Variants in CCDC60 observed in about 807,000 individuals in gnomAD.
CCDC60 encodes the protein coiled-coil domain-containing protein 60.
CCDC60 carries 54 observed loss-of-function variants against 63.5 expected under a neutral mutation model. The observed-to-expected ratio is 0.85, with a 90% CI of 0.68 to 1.07. CCDC60 has a LOEUF of 1.07. Among genes scored for constraint, CCDC60 ranks in the 50% least tolerant of loss-of-function variants. The pLI is 0.00. For missense variants in CCDC60, 651 were observed against 684.3 expected (o/e 0.95, Z 0.54); for synonymous variants, 206 against 238.8 (o/e 0.86, Z 1.27).
At chr12:119,373,473 C>A (rs1473134475) in intron 1 of CCDC60, among the ~76,000 whole-genome samples, 1 of 152,136 alleles carries the variant, frequency 6.6e-6, no homozygotes, top group African/African-American at 2.4e-5. Context: ...GAGGCACTGT[C>A]AATAGAAGCT....
At chr12:119,467,196 C>T (rs1438376242) in intron 2 of CCDC60, among the ~76,000 whole-genome samples, 1 of 152,218 alleles carries the variant, frequency 6.6e-6, no homozygotes, top group African/African-American at 2.4e-5. Flanking sequence ...AAGCTGTTTT[C>T]TTCTACCACC....
chr12:119,402,895 A>G (rs11064776), intron 1 of CCDC60, among the ~76,000 whole-genome samples: 11,578 of 152,296 alleles, frequency 0.076, 563 homozygotes, highest in Middle Eastern at 0.16. Flanking sequence ...AGATCCTGCT[A>G]GTTGCAAATG....
rs538552045 is a variant in CCDC60, at chr12:119,516,710, A to G, written c.968+3A>G. On this transcript the variant is annotated splice_donor_region_variant and intron_variant, in intron 8 of 13. Transcript: ENST00000327554. ...GGGATGCAAAGAAAAGCACCCAGGT[A>G]TGTGCTCTTGACTCCTGGGGCAAAT... 1.9e-6 allele frequency: 3 copies of G among 1,603,054 alleles called. No homozygotes were observed. The highest frequency in any genetic ancestry group is 2.2e-5 in the South Asian group (2 of 90,822).
rs372727074 is a variant in CCDC60 at position 119,490,509 on chromosome 12, G to A, written c.557+1643G>A. Reference sequence around the variant, plus strand: ...CTAGTTATTTCCAAAATGTCTTTGTGGCTTCCAGAATTTCCTTGAAAACCA... The same window carrying A: ...CTAGTTATTTCCAAAATGTCTTTGTAGCTTCCAGAATTTCCTTGAAAACCA... On this transcript the variant is annotated intron_variant, in intron 5 of 13. Transcript: ENST00000327554. Among the ~76,000 whole-genome samples, 381 of 152,060 alleles carry A rather than the reference G, an allele frequency of 2.5e-3. 2 individuals carry two copies. The highest frequency in any genetic ancestry group is 7.3e-3 in the South Asian group (35 of 4,800).
chr12:119,424,017 G>C (rs1956859070), intron 1 of CCDC60, among the ~76,000 whole-genome samples: 1 of 152,032 alleles, frequency 6.6e-6, no homozygotes, highest in South Asian at 2.1e-4. Context: ...GTGAATTGTA[G>C]AAAAATTAGG....
chr12:119,373,868 A>G (rs1162576984), intron 1 of CCDC60, among the ~76,000 whole-genome samples: 5 of 152,216 alleles, frequency 3.3e-5, no homozygotes. Flanking sequence ...TGTTATCTAG[A>G]CAGGCTTTAA....
intron 6 of CCDC60, among the ~76,000 whole-genome samples, chr12:119,504,404 A>G (rs1206169935): frequency 6.6e-6 from 1 of 152,004 alleles, no homozygotes; most frequent in Non-Finnish European, 1.5e-5. Flanking sequence ...GACTTTCCCT[A>G]CCTACCTCTC....
intron 1 of CCDC60, among the ~76,000 whole-genome samples, chr12:119,353,805 G>A (rs1955687445): frequency 6.6e-6 from 1 of 152,000 alleles, no homozygotes; most frequent in South Asian, 2.1e-4. Flanking sequence ...GGGCGCAGTG[G>A]CTTACGCCTG....
intron 13 of CCDC60, among the ~76,000 whole-genome samples, chr12:119,534,335 TAAATATACAATC>T (rs2136545572): frequency 6.6e-6 from 1 of 152,324 alleles, no homozygotes; most frequent in South Asian, 2.1e-4. Context: ...TGGGGTTTTC[TAAATATACAATC>T]ATGTCATCTG....
intron 4 of CCDC60, among the ~76,000 whole-genome samples, chr12:119,485,515 G>C (rs528892443): frequency 1.3e-5 from 2 of 152,212 alleles, no homozygotes; most frequent in Non-Finnish European, 2.9e-5. Context: ...TGCTGTCAGC[G>C]TTGGTTTCTC....
intron 2 of CCDC60, among the ~76,000 whole-genome samples, chr12:119,450,359 T>C (rs1950608145): frequency 6.6e-6 from 1 of 152,136 alleles, no homozygotes; most frequent in African/African-American, 2.4e-5. Flanking sequence ...CATTGATATA[T>C]ATGCAATACA....
intron 1 of CCDC60, among the ~76,000 whole-genome samples, chr12:119,426,339 T>G (rs531473067): frequency 1.2e-4 from 10 of 82,724 alleles, no homozygotes; most frequent in African/African-American, 5.3e-4. Context: ...CTTTTTTCTT[T>G]TATTTTTATT....
chr12:119,370,944 A>G (rs892809349), intron 1 of CCDC60, among the ~76,000 whole-genome samples: 1 of 152,162 alleles, frequency 6.6e-6, no homozygotes, highest in African/African-American at 2.4e-5. Flanking sequence ...AGGTGAGAGG[A>G]TCCTTTGAGC....
intron 1 of CCDC60, among the ~76,000 whole-genome samples, chr12:119,412,409 T>A (rs12296267): frequency 2.0e-5 from 3 of 152,164 alleles, no homozygotes; most frequent in Non-Finnish European, 4.4e-5. Context: ...TGGAAGCCAC[T>A]TGGGGGCTTA....
chr12:119,469,413 A>C (rs1951013581), intron 2 of CCDC60, among the ~76,000 whole-genome samples: 1 of 152,004 alleles, frequency 6.6e-6, no homozygotes, highest in South Asian at 2.1e-4. Flanking sequence ...GGCACCCGCC[A>C]CCACCCTGGC....
chr12:119,488,459 AC>A (rs1419304926), intron 4 of CCDC60, among the ~76,000 whole-genome samples: 5 of 152,126 alleles, frequency 3.3e-5, no homozygotes. Context: ...ATTCTCAGTA[AC>A]TGGCATTGGA....
At chr12:119,354,963 T>A (rs1955701385) in intron 1 of CCDC60, among the ~76,000 whole-genome samples, 1 of 152,164 alleles carries the variant, frequency 6.6e-6, no homozygotes. Flanking sequence ...TTGCAGGGCA[T>A]CTAACCAGCT....
Position 119,428,782 on chromosome 12 carries a change from A to G in CCDC60, c.170+20A>G. 6.5e-7 allele frequency: 1 copy of G among 1,527,242 alleles called. No individual in the cohort carries two copies. The highest frequency in any genetic ancestry group is 9.0e-7 in the Non-Finnish European group (1 of 1,109,900). 94.6% of individuals were successfully genotyped at this position (1,527,242 alleles called of 1,614,324 possible). A position where few individuals can be genotyped will look rare whatever the true frequency, so the allele number is the denominator to read the frequency against. On this transcript the variant is annotated intron_variant, in intron 2 of 13. Coordinates refer to ENST00000327554, the MANE Select transcript of CCDC60 (RefSeq NM_178499.5). ...AAGCCGGTGAGTGAGCCCAGCAGGG[A>G]ATGATCCATAGACAACCCAACAGGC...
chr12:119,421,474 C>A lies in CCDC60; in HGVS notation c.91-7209C>A, dbSNP rs80086455. ...ATGTCACTTGACCATGAGTTCAAAT[C>A]CAGGCTTTGCCACTTAATAGCAAGT... On this transcript the variant is annotated intron_variant, in intron 1 of 13. Transcript: ENST00000327554. Among the ~76,000 whole-genome samples the A allele has an allele frequency of 3.5e-3, 539 of 152,302 alleles. 12 individuals carry two copies. In the East Asian group the frequency reaches 0.076, roughly 22 times the overall value.
Sources: allele counts gnomAD v4.1 joint callset (sites outside exome capture counted in the v4.1 genomes callset), GRCh38; gene constraint gnomAD v4.1.1; transcripts MANE v1.5; gene names NCBI Gene and HGNC (gene_info 2026-07-23, HGNC 2026-07-21).